TCEANC2: variants seen among roughly 807,000 people sequenced by gnomAD.
TCEANC2 encodes transcription elongation factor A N-terminal and central domain containing 2.
In TCEANC2, 20 loss-of-function variants were observed where a neutral mutation model predicts 22.8. That is an observed-to-expected ratio of 0.88 (90% CI 0.62 to 1.28). The LOEUF (loss-of-function observed/expected upper bound fraction) is 1.28, where lower values mean the gene tolerates loss of function less well. Ranked by LOEUF, TCEANC2 falls within the 50% of genes most tolerant of loss-of-function variation. TCEANC2 has a pLI of 0.00. For synonymous variants in TCEANC2, 84 were observed against 95.5 expected, an observed-to-expected ratio of 0.88 and a Z score of 0.70; for missense variants, 251 against 249.7, an observed-to-expected ratio of 1.01 and a Z score of -0.03.
At chr1:54,076,166 G>A (rs1658139140) in intron 3 of TCEANC2, among the ~76,000 whole-genome samples, 1 of 152,158 alleles carries the variant, frequency 6.6e-6, no homozygotes, top group Non-Finnish European at 1.5e-5. Context: ...CCTGTGTCAT[G>A]AGGGCTTGTT....
Position 54,065,587 on chromosome 1 carries a change from G to A in TCEANC2, c.103-3169G>A, listed in dbSNP as rs1367705139. Among the ~76,000 whole-genome samples, 3 of 151,890 alleles carry A rather than the reference G, an allele frequency of 2.0e-5. No individual in the cohort carries two copies. In the East Asian group the frequency reaches 5.8e-4, roughly 29 times the overall value. On this transcript the variant is annotated intron_variant, in intron 2 of 4. Coordinates refer to ENST00000234827, the MANE Select transcript of TCEANC2 (RefSeq NM_153035.3). ...ATTTAAAAATCAGCAGAGTGTGGTG[G>A]CCCACCTGTGGTCCCAGCTACTTGG...
chr1:54,057,563 G>T lies in TCEANC2; in HGVS notation c.102+3039G>T, dbSNP rs12062382. ...TTGATTGTCTTCCACTTTAAGTTCA[G>T]AATCATACTTCTCATCTAGAGCAGT... On this transcript the variant is annotated intron_variant, in intron 2 of 4. Transcript: ENST00000234827. 2.3e-4 allele frequency among the ~76,000 whole-genome samples: 35 copies of T among 151,980 alleles called. No homozygotes were observed. In the South Asian group the frequency reaches 7.3e-3, roughly 32 times the overall value.
In TCEANC2 at chr1:54,088,720, G is replaced by A; in HGVS notation, c.368G>A (p.Arg123Lys). 6.2e-7 allele frequency: 1 copy of A among 1,608,346 alleles called. No individual in the cohort carries two copies. Among genetic ancestry groups the A allele is most frequent in the South Asian group, 1.1e-5 (1 of 90,160 alleles). The change falls in exon 4 of 5, where the codon AGA becomes AAA. Residue 123 changes from arginine to lysine, a missense_variant. Physicochemically the swap from Arg to Lys is conservative, Grantham distance 26. Transcript: ENST00000234827. ...TCAAATAGACCTTCTATTGAAGTTA[G>A]AAGTGATCCCAAAACCGAGTCGTTG... ...KHSNRPSIEV[R>K]SDPKTESLRK... is the part of the protein sequence containing the mutation.
downstream of TCEANC2, among the ~76,000 whole-genome samples, chr1:54,109,060 G>A (rs553057634): frequency 7.2e-5 from 11 of 152,288 alleles, no homozygotes; most frequent in South Asian, 2.1e-3. Context: ...AACCAGACGG[G>A]GGCTCACAGT....
At chr1:54,090,673 C>G (rs1394090394) in intron 4 of TCEANC2, among the ~76,000 whole-genome samples, 1 of 151,820 alleles carries the variant, frequency 6.6e-6, no homozygotes, top group East Asian at 1.9e-4. Context: ...AGTATTAAAC[C>G]CTTGGAAGAG....
At position 54,111,305 on chromosome 1, in the gene TCEANC2, A is replaced by G. The variant is rs373769606; in HGVS notation, n.1324A>G. 7 of 152,380 alleles carry G rather than the reference A, an allele frequency of 4.6e-5. 1 individual carries two copies. The East Asian group carries it at 1.2e-3, about 25-fold the overall frequency. 9.4% of individuals were successfully genotyped at this position (152,380 alleles called of 1,614,324 possible). On this transcript the variant is annotated non_coding_transcript_exon_variant, in exon 5 of 5. Transcript: ENST00000498272. Reference sequence around the variant, plus strand: ...CCAGAGCGGAGGCGCAGCTTTTATTAGTTTGAGTTGCTTTTGCTTGGAATA... The same window carrying G: ...CCAGAGCGGAGGCGCAGCTTTTATTGGTTTGAGTTGCTTTTGCTTGGAATA...
intron 2 of TCEANC2, among the ~76,000 whole-genome samples, chr1:54,058,100 G>A (rs1657786512): frequency 6.6e-6 from 1 of 152,174 alleles, no homozygotes; most frequent in South Asian, 2.1e-4. Flanking sequence ...AATAATACCT[G>A]TTTTATAAGG....
At chr1:54,080,332 T>C (rs974379175) in intron 3 of TCEANC2, among the ~76,000 whole-genome samples, 10 of 152,084 alleles carry the variant, frequency 6.6e-5, no homozygotes, top group Admixed American at 5.9e-4. Context: ...TTAATAGATA[T>C]GGGGTTTCAC....
At chr1:54,086,789 T>G (rs1658347574) in intron 3 of TCEANC2, among the ~76,000 whole-genome samples, 1 of 152,234 alleles carries the variant, frequency 6.6e-6, no homozygotes, top group Non-Finnish European at 1.5e-5. Flanking sequence ...CTATCCTAGC[T>G]GCAGTGTGGA....
chr1:54,109,360 G>A (rs1227136346), downstream of TCEANC2, among the ~76,000 whole-genome samples: 1 of 152,224 alleles, frequency 6.6e-6, no homozygotes, highest in Non-Finnish European at 1.5e-5. Flanking sequence ...AAGTGCAGCA[G>A]GAGGAGGAAT....
intron 3 of TCEANC2, among the ~76,000 whole-genome samples, chr1:54,079,865 T>C (rs1183185604): frequency 2.0e-5 from 3 of 152,234 alleles, no homozygotes; most frequent in African/African-American, 7.2e-5. Context: ...TGTTTCAGGC[T>C]TCTGTGCTCT....
chr1:54,071,189 G>C (rs76372880), intron 3 of TCEANC2, among the ~76,000 whole-genome samples: 1,909 of 152,272 alleles, frequency 0.013, 33 homozygotes, highest in African/African-American at 0.044. Context: ...GTTTGGTCTT[G>C]GCATATGTAT....
chr1:54,101,072 G>A lies in TCEANC2; in HGVS notation c.*4599G>A, dbSNP rs1658654546. The A allele has an allele frequency of 6.6e-6, 1 of 152,144 alleles. No homozygotes were observed. Among genetic ancestry groups the A allele is most frequent in the African/African-American group, 2.4e-5 (1 of 41,432 alleles). The allele number at this position is 152,144 out of a possible 1,614,324, so 9.4% of individuals were successfully genotyped here. A position where few individuals can be genotyped will look rare whatever the true frequency, so the allele number is the denominator to read the frequency against. Reference sequence around the variant, plus strand: ...GATAATGCATTTACTGTGTTCTGTGGTGAAGGAACAGGTAGCTGGCCTTTT... The same window carrying A: ...GATAATGCATTTACTGTGTTCTGTGATGAAGGAACAGGTAGCTGGCCTTTT... On this transcript the variant is annotated 3_prime_UTR_variant, in exon 5 of 5. Transcript: ENST00000234827.
intron 2 of TCEANC2, among the ~76,000 whole-genome samples, chr1:54,064,781 C>A (rs1657918021): frequency 6.6e-6 from 1 of 150,492 alleles, no homozygotes. Context: ...CTCACTGCAC[C>A]CTCCACCTCC....
At chr1:54,066,463 G>A (rs1350288213) in intron 2 of TCEANC2, among the ~76,000 whole-genome samples, 1 of 152,110 alleles carries the variant, frequency 6.6e-6, no homozygotes, top group Admixed American at 6.6e-5. Flanking sequence ...GCTATGTAAA[G>A]TGTAATGACC....
chr1:54,075,701 A>C (rs965426952), intron 3 of TCEANC2, among the ~76,000 whole-genome samples: 3 of 152,202 alleles, frequency 2.0e-5, no homozygotes, highest in East Asian at 1.9e-4. Flanking sequence ...TTAATAGGCT[A>C]GATGAAATCC....
At chr1:54,095,567 C>T (rs1178816896) in intron 4 of TCEANC2, among the ~76,000 whole-genome samples, 1 of 152,184 alleles carries the variant, frequency 6.6e-6, no homozygotes, top group Admixed American at 6.5e-5. Flanking sequence ...TGGCTTGGGC[C>T]TGAGCCAGAC....
At chr1:54,058,385 A>G (rs1041693786) in intron 2 of TCEANC2, among the ~76,000 whole-genome samples, 9 of 152,014 alleles carry the variant, frequency 5.9e-5, no homozygotes, top group Non-Finnish European at 1.2e-4. Context: ...GTGCTGTATC[A>G]TGGTTGTTTC....
chr1:54,071,816 T>G (rs144416563), intron 3 of TCEANC2, among the ~76,000 whole-genome samples: 1 of 152,138 alleles, frequency 6.6e-6, no homozygotes, highest in East Asian at 1.9e-4. Flanking sequence ...TCTTTTATTT[T>G]TATTTTTTTT....
Sources: allele counts gnomAD v4.1 joint callset (sites outside exome capture counted in the v4.1 genomes callset), GRCh38; gene constraint gnomAD v4.1.1; transcripts MANE v1.5; gene names NCBI Gene and HGNC (gene_info 2026-07-23, HGNC 2026-07-21).